Variants in MAPK10 observed in about 807,000 individuals in gnomAD.
MAPK10 encodes the protein mitogen-activated protein kinase 10.
MAPK10 carries 25 observed loss-of-function variants against 59.3 expected under a neutral mutation model. The ratio of observed to expected loss-of-function variants is 0.42; its 90% CI spans 0.31 to 0.59. The LOEUF (loss-of-function observed/expected upper bound fraction) is 0.59, where lower values mean the gene tolerates loss of function less well. Ranked by LOEUF, MAPK10 falls within the 20% of genes least tolerant of loss-of-function variation. MAPK10 has a pLI of 0.15. For missense variants in MAPK10, 351 were observed against 568.9 expected (o/e 0.62, Z 3.90); for synonymous variants, 190 against 200.5 (o/e 0.95, Z 0.44).
At chr4:86,197,129 G>A (rs2081502698) in intron 2 of MAPK10, among the ~76,000 whole-genome samples, 1 of 152,024 alleles carries the variant, frequency 6.6e-6, no homozygotes, top group African/African-American at 2.4e-5. Flanking sequence ...GGATAGCATT[G>A]ATCTATAAAT....
chr4:86,363,669 G>A (rs1034537024), upstream of MAPK10, among the ~76,000 whole-genome samples: 6 of 152,152 alleles, frequency 3.9e-5, no homozygotes, highest in African/African-American at 1.4e-4. Context: ...TCTCTTAGTT[G>A]TTCTAAGATA....
chr4:86,387,376 T>G (rs1303363438), intron 1 of MAPK10, among the ~76,000 whole-genome samples: 1 of 152,224 alleles, frequency 6.6e-6, no homozygotes, highest in Non-Finnish European at 1.5e-5. Flanking sequence ...CAGCCAACTA[T>G]AAAACTCAAA....
intron 1 of MAPK10, among the ~76,000 whole-genome samples, chr4:86,384,867 C>T (rs879095829): frequency 6.6e-6 from 1 of 152,072 alleles, no homozygotes; most frequent in African/African-American, 2.4e-5. Flanking sequence ...GTTTTAACAA[C>T]TTTCATCTAA....
intron 2 of MAPK10, among the ~76,000 whole-genome samples, chr4:86,291,614 G>GA (rs1276807398): frequency 1.3e-5 from 2 of 152,030 alleles, no homozygotes; most frequent in Non-Finnish European, 2.9e-5. Context: ...TGCTACTGAT[G>GA]AAAAAATGTA....
intron 9 of MAPK10, among the ~76,000 whole-genome samples, chr4:86,084,095 T>C (rs892852647): frequency 6.6e-6 from 1 of 152,172 alleles, no homozygotes; most frequent in Non-Finnish European, 1.5e-5. Context: ...CTCTGAGACT[T>C]GCTGGCCTCA....
intron 9 of MAPK10, chr4:86,081,459 A>T (rs966874222): frequency 3.9e-5 from 6 of 152,008 alleles, no homozygotes; most frequent in African/African-American, 1.4e-4. Context: ...ACTCACAAAA[A>T]TTAGGTGCCA....
At chr4:86,336,080 A>G (rs1003853127) in intron 2 of MAPK10, among the ~76,000 whole-genome samples, 4 of 152,216 alleles carry the variant, frequency 2.6e-5, no homozygotes, top group Non-Finnish European at 4.4e-5. Flanking sequence ...TTTTTAATAT[A>G]AAAAGAAAAT....
At chr4:86,355,603 T>C (rs973285584) in intron 1 of MAPK10, among the ~76,000 whole-genome samples, 1 of 152,242 alleles carries the variant, frequency 6.6e-6, no homozygotes, top group East Asian at 1.9e-4. Flanking sequence ...TTTTCTACCA[T>C]AGCACTTAGC....
At chr4:86,590,393 T>A (rs1762951436) in intron 1 of MAPK10, among the ~76,000 whole-genome samples, 1 of 152,228 alleles carries the variant, frequency 6.6e-6, no homozygotes, top group Non-Finnish European at 1.5e-5. Flanking sequence ...ATTTTCTTTT[T>A]AAGACTCTTC....
At chr4:86,473,396 T>A (rs1752812937) in intron 1 of MAPK10, among the ~76,000 whole-genome samples, 1 of 152,228 alleles carries the variant, frequency 6.6e-6, no homozygotes, top group Admixed American at 6.5e-5. Flanking sequence ...TTACCAAAAA[T>A]TTCATTCAAA....
chr4:86,564,487 T>C (rs1009659957), intron 1 of MAPK10, among the ~76,000 whole-genome samples: 2 of 152,194 alleles, frequency 1.3e-5, no homozygotes, highest in African/African-American at 4.8e-5. Context: ...TCTTAAGATA[T>C]AGTATACAAC....
chr4:86,138,907 A>G (rs1423564159), intron 4 of MAPK10, among the ~76,000 whole-genome samples: 5 of 151,652 alleles, frequency 3.3e-5, no homozygotes, highest in African/African-American at 7.2e-5. Context: ...CAAACAGCCA[A>G]ATAATGAGTG....
chr4:86,366,231 T>C (rs1298271154), intron 1 of MAPK10, among the ~76,000 whole-genome samples: 1 of 152,136 alleles, frequency 6.6e-6, no homozygotes, highest in Non-Finnish European at 1.5e-5. Flanking sequence ...TGTGTTTGTC[T>C]GTGATAGGAG....
At chr4:86,346,085 T>C (rs979941378) in intron 2 of MAPK10, among the ~76,000 whole-genome samples, 6 of 152,162 alleles carry the variant, frequency 3.9e-5, no homozygotes, top group Non-Finnish European at 2.9e-5. Flanking sequence ...GAGTCAGACA[T>C]CTATACAAAG....
Position 86,014,052 on chromosome 4 carries a change from C to T in MAPK10, c.*3176G>A, listed in dbSNP as rs962879493. Reference sequence around the variant, plus strand: ...GTTTAATTTTCCCTGCACATGAGTACACAGCCATCCTTCCTACAAAATACT... The same window carrying T: ...GTTTAATTTTCCCTGCACATGAGTATACAGCCATCCTTCCTACAAAATACT... On this transcript the variant is annotated 3_prime_UTR_variant, in exon 14 of 14. Coordinates refer to ENST00000641462, the MANE Select transcript of MAPK10 (RefSeq NM_138982.4). 19 of 152,138 alleles carry T rather than the reference C, an allele frequency of 1.2e-4. No homozygotes were observed. The highest frequency in any genetic ancestry group is 4.1e-4 in the African/African-American group (17 of 41,430). The allele number at this position is 152,138 out of a possible 1,614,324, so 9.4% of individuals were successfully genotyped here.
chr4:86,423,770 CATATATATATATAT>C (rs539111577), intron 1 of MAPK10, among the ~76,000 whole-genome samples: 1 of 91,620 alleles, frequency 1.1e-5, no homozygotes, highest in African/African-American at 3.9e-5. Context: ...GATATATATA[CATATATATATATAT>C]ATATATATAT....
rs199839493 is a variant in MAPK10, at chr4:86,101,863, T to C, written c.564+31A>G. ...CAGTTACTCTTCCTCTTAAAGCATT[T>C]GAATTGTAATCCTAGAGAAGGTGTT... is the stretch of plus-strand genomic sequence containing the variant. On this transcript the variant is annotated intron_variant, in intron 7 of 13. Transcript: ENST00000641462. 52 of 1,611,476 alleles carry C rather than the reference T, an allele frequency of 3.2e-5. No homozygotes were observed. In the East Asian group the frequency reaches 1.1e-3, roughly 35 times the overall value.
intron 1 of MAPK10, among the ~76,000 whole-genome samples, chr4:86,504,065 C>T (rs979922103): frequency 1.3e-5 from 2 of 152,084 alleles, no homozygotes; most frequent in Non-Finnish European, 2.9e-5. Context: ...ACATTCCCCC[C>T]AGCCTACCCA....
At chr4:86,565,027 A>G (rs1760959266) in intron 1 of MAPK10, among the ~76,000 whole-genome samples, 1 of 152,120 alleles carries the variant, frequency 6.6e-6, no homozygotes. Context: ...GACTTCTTAC[A>G]TATACCACTC....
Sources: gnomAD v4.1 joint callset for allele counts (sites outside exome capture counted in the v4.1 genomes callset) on GRCh38, gnomAD v4.1.1 for gene constraint, MANE v1.5 for transcripts, NCBI Gene and HGNC (gene_info 2026-07-23, HGNC 2026-07-21) for gene names.